OGT: variants seen among roughly 807,000 people sequenced by gnomAD.
The protein encoded by OGT is O-linked N-acetylglucosamine (GlcNAc) transferase.
In OGT, 3 loss-of-function variants were observed where a neutral mutation model predicts 75.8. The ratio of observed to expected loss-of-function variants is 0.04; its 90% confidence interval spans 0.02 to 0.10. The LOEUF (loss-of-function observed/expected upper bound fraction) is 0.10, where lower values mean the gene tolerates loss of function less well. Ranked by LOEUF, OGT falls within the 10% of genes least tolerant of loss-of-function variation. OGT has a pLI of 1.00. For missense variants in OGT, 260 were observed against 824.4 expected (o/e 0.32, Z 8.38); for synonymous variants, 257 against 289.7 (o/e 0.89, Z 1.15).
intron 14 of OGT, among the ~76,000 whole-genome samples, chrX:71,561,104 T>C (rs762484056): frequency 1.8e-5 from 2 of 109,569 alleles, no homozygotes; most frequent in African/African-American, 6.7e-5. Context: ...ATTTTTGTAT[T>C]TTTAGTAGAG....
At chrX:71,533,800 T>C (rs1159227721) in intron 1 of OGT, among the ~76,000 whole-genome samples, 1 of 108,721 alleles carries the variant, frequency 9.2e-6, no homozygotes, top group Admixed American at 9.9e-5. Context: ...TCTCTGCCAA[T>C]CTAGGGCGGG....
Position 71,556,114 on chromosome X carries a change from C to T in OGT, c.1065+20C>T, listed in dbSNP as rs1569427943. ...TTAGAAGTATGTGAGGGTGGTGTAG[C>T]TGGGCATTTAGCATGATAGTAGAGG... On this transcript the variant is annotated intron_variant, in intron 8 of 21. Transcript: ENST00000373719. 3 of 1,201,820 alleles carry T rather than the reference C, an allele frequency of 2.5e-6. No individual in the cohort carries two copies. Among genetic ancestry groups the T allele is most frequent in the African/African-American group, 1.8e-5 (1 of 57,029 alleles).
intron 18 of OGT, 98 bp downstream of exon 18, chrX:71,563,597 AT>A: frequency 1.6e-6 from 1 of 639,968 alleles, no homozygotes; most frequent in Non-Finnish European, 2.3e-6. Context: ...CATTATCACC[AT>A]TTTTATGGAT....
intron 2 of OGT, chrX:71,536,769 G>A (rs2040178541): frequency 6.4e-6 from 1 of 156,840 alleles, no homozygotes; most frequent in Non-Finnish European, 1.2e-5. Context: ...AAGTTGTTAT[G>A]GTGTGTTGCT....
chrX:71,535,635 G>T (rs975527004), intron 1 of OGT, among the ~76,000 whole-genome samples: 1 of 111,603 alleles, frequency 9.0e-6, no homozygotes, highest in African/African-American at 3.3e-5. Flanking sequence ...TACAAAAATT[G>T]ATATAATTTA....
Position 71,573,627 on chromosome X carries a change from A to G in OGT, c.2974A>G (p.Lys992Glu). 1 of 1,192,286 alleles carries G rather than the reference A, an allele frequency of 8.4e-7. No homozygotes were observed. Among genetic ancestry groups the G allele is most frequent in the Non-Finnish European group, 1.1e-6 (1 of 887,856 alleles). ...TTGTTTTTTATTACCCAGCCTGAAG[A>G]AAGTTCGTGGCAAAGTCTGGAAGCA... ...KLGTDLEYLK[K>E]VRGKVWKQRI... The change falls in exon 22 of 22, where the codon AAA (lysine) becomes GAA (glutamate). Residue 992 changes from lysine (K) to glutamate (E), a missense_variant. Lys to Glu is a moderately conservative substitution (Grantham distance 56, BLOSUM62 1). This residue lies in a region of OGT where 34 missense variants were observed against 57.5 expected (regional missense o/e 0.59). Coordinates refer to ENST00000373719, the MANE Select transcript of OGT (RefSeq NM_181672.3).
intron 1 of OGT, 119 bp downstream of exon 1, chrX:71,533,455 C>A (rs1484398721): frequency 4.4e-6 from 3 of 675,444 alleles, no homozygotes; most frequent in Non-Finnish European, 6.9e-6. Context: ...AGTGACATTG[C>A]TAAGCTTTTC....
intron 1 of OGT, among the ~76,000 whole-genome samples, chrX:71,533,851 C>T (rs1325015554): frequency 9.0e-6 from 1 of 110,976 alleles, no homozygotes; most frequent in East Asian, 2.8e-4. Flanking sequence ...TTTGCATCAC[C>T]CGAGGACGAT....
intron 4 of OGT, 48 bp downstream of exon 4, chrX:71,544,683 G>T: frequency 9.5e-7 from 1 of 1,052,997 alleles, no homozygotes; most frequent in Non-Finnish European, 1.3e-6. Context: ...ATGAAAACTT[G>T]TACTTTTTGC....
At chrX:71,554,454 A>T (rs1190835753) in intron 5 of OGT, 59 bp from the exon 6 acceptor site, 5 of 805,608 alleles carry the variant, frequency 6.2e-6, no homozygotes, top group African/African-American at 2.0e-5. Context: ...TGTAATTGGG[A>T]AGTTGATCTG....
chrX:71,571,758 T>C (rs908320326), intron 21 of OGT, among the ~76,000 whole-genome samples: 9 of 110,842 alleles, frequency 8.1e-5, no homozygotes, highest in African/African-American at 3.0e-4. Context: ...TCAGTGAGTT[T>C]TGAGAAATAA....
chrX:71,560,549 A>G (rs1479686849), intron 14 of OGT, among the ~76,000 whole-genome samples: 1 of 111,885 alleles, frequency 8.9e-6, no homozygotes, highest in Non-Finnish European at 1.9e-5. Flanking sequence ...ATGTATGTAC[A>G]TACACATGCA....
At chrX:71,566,821 T>C (rs373553531) in intron 19 of OGT, among the ~76,000 whole-genome samples, 1 of 112,784 alleles carries the variant, frequency 8.9e-6, no homozygotes, top group East Asian at 2.8e-4. Flanking sequence ...TTTTTTAAAA[T>C]CTGAAATATT....
intron 1 of OGT, among the ~76,000 whole-genome samples, chrX:71,533,712 C>T (rs965075358): frequency 9.0e-6 from 1 of 110,554 alleles, no homozygotes; most frequent in African/African-American, 3.3e-5. Flanking sequence ...AATTCCAGCT[C>T]ATCGCCTCTC....
rs1298510986 is a variant in OGT, at chrX:71,548,066, G to A, written c.648+43G>A. On this transcript the variant is annotated intron_variant, in intron 5 of 21. Coordinates refer to ENST00000373719, the MANE Select transcript of OGT (RefSeq NM_181672.3). ...TAATTGGTATTTTTGAAGTGCTTAC[G>A]CATGTAGTGTTTTTACTAGAACTAA... 2.6e-6 allele frequency: 3 copies of A among 1,156,626 alleles called. No homozygotes were observed. In the East Asian group the frequency reaches 9.0e-5, roughly 35 times the overall value.
At chrX:71,571,780 T>C (rs1327207999) in intron 21 of OGT, among the ~76,000 whole-genome samples, 2 of 110,981 alleles carry the variant, frequency 1.8e-5, no homozygotes, top group South Asian at 3.8e-4. Context: ...CCTTTTTTTT[T>C]TCGTTTTGAA....
At chrX:71,567,421 A>C in intron 19 of OGT, 79 bp from the exon 20 acceptor site, 1 of 874,969 alleles carries the variant, frequency 1.1e-6, no homozygotes, top group Non-Finnish European at 1.6e-6. Flanking sequence ...GTGTGGTAGA[A>C]TTATTAGAGA....
In OGT at chrX:71,563,493, T is replaced by C. The variant is rs150295383; in HGVS notation, c.2430T>C (p.Thr810=). ...TCAGTATTAGCAATGGACTGGCAAC[T>C]ACTCAGGTGAGAAGATAATAATACA... ...NGFSISNGLA[T]TQINNKAATG... The change falls in exon 18 of 22, where the codon ACT becomes ACC. Residue 810 remains threonine, a synonymous_variant. Coordinates refer to ENST00000373719, the MANE Select transcript of OGT (RefSeq NM_181672.3). 6.7e-6 allele frequency: 8 copies of C among 1,188,319 alleles called. No homozygotes were observed. The highest frequency in any genetic ancestry group is 9.1e-6 in the Non-Finnish European group (8 of 880,218).
Position 71,556,685 on chromosome X carries a change from C to T in OGT, c.1071C>T (p.Phe357=). 1 of 1,177,306 alleles carries T rather than the reference C, an allele frequency of 8.5e-7. No individual in the cohort carries two copies. Among genetic ancestry groups the T allele is most frequent in the Non-Finnish European group, 1.1e-6 (1 of 875,985 alleles). Reference sequence around the variant, plus strand: ...CTGATCTTGACTCTTTATAGGTCTTCCCAGAGTTTGCTGCTGCCCATTCAA... The same window carrying T: ...CTGATCTTGACTCTTTATAGGTCTTTCCAGAGTTTGCTGCTGCCCATTCAA... The part of the protein sequence containing the change: ...VRLYRKALEV[F]PEFAAAHSNL... Residue 357 remains phenylalanine (F), a synonymous_variant, in exon 9 of 22, where the codon TTC becomes TTT. Coordinates refer to ENST00000373719, the MANE Select transcript of OGT (RefSeq NM_181672.3).
Sources: gnomAD v4.1 joint callset for allele counts (sites outside exome capture counted in the v4.1 genomes callset) on GRCh38, gnomAD v4.1.1 for gene constraint, gnomAD v4.1.1 regional missense constraint, MANE v1.5 for transcripts, NCBI Gene and HGNC (gene_info 2026-07-23, HGNC 2026-07-21) for gene names.